ASCC3: variants seen among roughly 807,000 people sequenced by gnomAD.
ASCC3 encodes the protein ASC-1 complex subunit P200.
Under a neutral mutation model 256.3 loss-of-function variants are expected in ASCC3, and 158 were observed. The ratio of observed to expected loss-of-function variants is 0.62; its 90% CI spans 0.54 to 0.70. ASCC3 has a LOEUF of 0.70. Ranked by LOEUF, ASCC3 falls within the 30% of genes least tolerant of loss-of-function variation. The pLI, the probability that ASCC3 is intolerant of heterozygous loss-of-function variation, is 0.00. For missense variants in ASCC3, 2,259 were observed against 2,626.0 expected (o/e 0.86, Z 3.05); for synonymous variants, 948 against 883.4 (o/e 1.07, Z -1.30).
intron 4 of ASCC3, among the ~76,000 whole-genome samples, chr6:100,810,558 G>A (rs766378606): frequency 8.6e-5 from 13 of 151,952 alleles, no homozygotes; most frequent in Admixed American, 5.3e-4. Flanking sequence ...TTTTTCAAAG[G>A]GAATCATTAG....
Position 100,642,630 on chromosome 6 carries a change from A to T in ASCC3, c.3852T>A (p.Ile1284=). The change falls in exon 24 of 42, where the codon ATT becomes ATA. Residue 1284 remains isoleucine (I), a synonymous_variant. Coordinates refer to ENST00000369162, the MANE Select transcript of ASCC3 (RefSeq NM_006828.4). ...DRWLGAEAVC[I]INFQHLILPE... is the part of the protein sequence containing the mutation. ...GTAGAATTAGATGTTGAAAGTTGAT[A>T]ATACATACTGCCTCAGCACCCAACC... The T allele has an allele frequency of 6.2e-7, 1 of 1,614,000 alleles. No individual in the cohort carries two copies. Among genetic ancestry groups the T allele is most frequent in the Non-Finnish European group, 8.5e-7 (1 of 1,179,910 alleles).
At chr6:100,667,789 A>G (rs1272189115) in intron 14 of ASCC3, among the ~76,000 whole-genome samples, 1 of 152,054 alleles carries the variant, frequency 6.6e-6, no homozygotes, top group Non-Finnish European at 1.5e-5. Context: ...GGAGTAAATT[A>G]TGTTTTGCGC....
intron 33 of ASCC3, among the ~76,000 whole-genome samples, chr6:100,605,180 C>T (rs1456591974): frequency 6.6e-6 from 1 of 152,100 alleles, no homozygotes; most frequent in Non-Finnish European, 1.5e-5. Flanking sequence ...GTTCTAAGCA[C>T]TATGTATTTG....
intron 14 of ASCC3, among the ~76,000 whole-genome samples, chr6:100,666,615 T>C (rs1239520974): frequency 1.3e-5 from 2 of 152,184 alleles, no homozygotes; most frequent in Non-Finnish European, 2.9e-5. Flanking sequence ...TGGATGTGCA[T>C]ATCTAATCAG....
chr6:100,708,525 C>T (rs1343841982), intron 13 of ASCC3, among the ~76,000 whole-genome samples: 1 of 151,986 alleles, frequency 6.6e-6, no homozygotes, highest in Non-Finnish European at 1.5e-5. Context: ...CACTTTTCAA[C>T]CAAGGGCACT....
chr6:100,716,374 C>A (rs1301282249), intron 12 of ASCC3, among the ~76,000 whole-genome samples: 2 of 151,600 alleles, frequency 1.3e-5, no homozygotes, highest in African/African-American at 2.4e-5. Flanking sequence ...GGTGGCTAAC[C>A]CAAAGGAGTA....
chr6:100,814,038 C>A (rs535004655), intron 4 of ASCC3, among the ~76,000 whole-genome samples: 1 of 152,170 alleles, frequency 6.6e-6, no homozygotes, highest in East Asian at 1.9e-4. Flanking sequence ...GGGAATGCTT[C>A]CAGATTTTGC....
intron 33 of ASCC3, among the ~76,000 whole-genome samples, chr6:100,602,818 T>C (rs1352176160): frequency 6.6e-6 from 1 of 151,976 alleles, no homozygotes; most frequent in East Asian, 1.9e-4. Context: ...AAGGAAGCAA[T>C]GTTCAACAAA....
In ASCC3 at chr6:100,868,067, G is replaced by A. The variant is rs889042427; in HGVS notation, c.-41-29C>T. On this transcript the variant is annotated intron_variant, in intron 1 of 41. Transcript: ENST00000369162. ...AAACAAAACAAGATGATATTTATCT[G>A]TTCGGAAGAGGTGGCAGAGGTAATC... 4.1e-6 allele frequency: 5 copies of A among 1,229,122 alleles called. No homozygotes were observed. The African/African-American group carries it at 7.5e-5, about 18-fold the overall frequency. The allele number at this position is 1,229,122 out of a possible 1,614,324, so 76.1% of individuals were successfully genotyped here. A position where few individuals can be genotyped will look rare whatever the true frequency, so the allele number is the denominator to read the frequency against.
intron 36 of ASCC3, among the ~76,000 whole-genome samples, chr6:100,579,909 C>T (rs1234096758): frequency 1.3e-5 from 2 of 152,094 alleles, no homozygotes; most frequent in Non-Finnish European, 2.9e-5. Flanking sequence ...GTATAAATTG[C>T]TTTGGGCAGT....
At chr6:100,845,225 C>G (rs1013494753) in intron 4 of ASCC3, among the ~76,000 whole-genome samples, 10 of 152,090 alleles carry the variant, frequency 6.6e-5, no homozygotes, top group Admixed American at 5.2e-4. Flanking sequence ...GACAAATTTC[C>G]CAACATCTCT....
chr6:100,542,297 G>A lies in ASCC3; in HGVS notation c.5551-1910C>T, dbSNP rs182749192. On this transcript the variant is annotated intron_variant, in intron 36 of 41. Transcript: ENST00000369162. ...GCAGCCAGAGGAAACACTATGTTAT[G>A]TACAGTGGAAGGAAGATAAGAAACC... Among the ~76,000 whole-genome samples the A allele has an allele frequency of 2.7e-4, 41 of 152,290 alleles. 3 individuals are homozygous for A. Among genetic ancestry groups the A allele is most frequent in the Admixed American group, 1.9e-3 (29 of 15,292 alleles).
At chr6:100,531,086 G>A (rs1398593910) in intron 37 of ASCC3, 1 of 1,280,436 alleles carries the variant, frequency 7.8e-7, no homozygotes, top group Non-Finnish European at 1.1e-6. Flanking sequence ...TACATAGTCT[G>A]TACAATAAAT....
chr6:100,856,300 G>A (rs1246508556), intron 3 of ASCC3: 12 of 638,508 alleles, frequency 1.9e-5, no homozygotes, highest in Non-Finnish European at 2.1e-5. Flanking sequence ...ATAAAAATAG[G>A]CATGAGAATG....
intron 3 of ASCC3, among the ~76,000 whole-genome samples, chr6:100,849,598 A>C (rs1012793385): frequency 6.6e-6 from 1 of 152,158 alleles, no homozygotes; most frequent in South Asian, 2.1e-4. Context: ...GCTAGAAGTA[A>C]ATATAAGAAG....
chr6:100,676,588 T>C (rs1194161148), intron 14 of ASCC3, among the ~76,000 whole-genome samples: 4 of 152,172 alleles, frequency 2.6e-5, no homozygotes, highest in Admixed American at 2.6e-4. Flanking sequence ...GAAATATAGG[T>C]AGTTTTTCCC....
At chr6:100,516,145 G>C (rs1331815428) in intron 39 of ASCC3, 35 bp downstream of exon 39, 1 of 1,613,070 alleles carries the variant, frequency 6.2e-7, no homozygotes. Context: ...TCTCAGAGTA[G>C]GGGAGCCTTC....
At position 100,509,439 on chromosome 6, in the gene ASCC3, C is replaced by T; in HGVS notation, c.6556G>A (p.Ala2186Thr). 3 of 1,614,160 alleles carry T rather than the reference C, an allele frequency of 1.9e-6. No homozygotes were observed. Among genetic ancestry groups the T allele is most frequent in the Non-Finnish European group, 2.5e-6 (3 of 1,180,034 alleles). The change falls in exon 42 of 42, where the codon GCA (alanine) becomes ACA (threonine). Residue 2186 changes from alanine (A) to threonine (T), a missense_variant. Physicochemically the swap from Ala to Thr is moderately conservative, Grantham distance 58. Transcript: ENST00000369162. ...TCAGAGACCTTGGTGTTGACCTGTG[C>T]AGAAAGACTCGCTTGTGTAACGTTG... ...YLNVTQASLS[A>T]QVNTKVSDSL...
intron 4 of ASCC3, among the ~76,000 whole-genome samples, chr6:100,845,427 C>A (rs2114496341): frequency 1.3e-5 from 2 of 152,244 alleles, no homozygotes; most frequent in South Asian, 4.1e-4. Flanking sequence ...GTTAGATTTT[C>A]TTATGTTTGC....
Sources: allele counts gnomAD v4.1 joint callset (sites outside exome capture counted in the v4.1 genomes callset), GRCh38; gene constraint gnomAD v4.1.1; transcripts MANE v1.5; gene names NCBI Gene and HGNC (gene_info 2026-07-23, HGNC 2026-07-21).